The following MTUS1 variants were observed in gnomAD, a reference collection of about 807,000 sequenced individuals.
The protein encoded by MTUS1 is microtubule associated scaffold protein 1.
MTUS1 carries 109 observed loss-of-function variants against 120.8 expected under a neutral mutation model. The ratio of observed to expected loss-of-function variants is 0.90; its 90% CI spans 0.77 to 1.06. The LOEUF (loss-of-function observed/expected upper bound fraction) is 1.06, where lower values mean the gene tolerates loss of function less well. Ranked by LOEUF, MTUS1 falls within the 50% of genes least tolerant of loss-of-function variation. The pLI is 0.00. For synonymous variants in MTUS1, 737 were observed against 550.5 expected, an observed-to-expected ratio of 1.34 and a Z score of -4.74; for missense variants, 2,210 against 1,486.3, an observed-to-expected ratio of 1.49 and a Z score of -8.01.
intron 8 of MTUS1, among the ~76,000 whole-genome samples, chr8:17,670,592 G>C (rs958876928): frequency 6.6e-6 from 1 of 152,176 alleles, no homozygotes; most frequent in South Asian, 2.1e-4. Flanking sequence ...GGGAGGCCGA[G>C]ACGGGCGGAT....
intron 1 of MTUS1, among the ~76,000 whole-genome samples, chr8:17,769,643 C>T (rs111488465): frequency 0.034 from 5,121 of 151,884 alleles, 134 homozygotes; most frequent in African/African-American, 0.067. Flanking sequence ...CACCCGCGCC[C>T]GGCCCTTAGT....
intron 6 of MTUS1, among the ~76,000 whole-genome samples, chr8:17,694,343 G>A (rs1563215878): frequency 6.6e-6 from 1 of 152,192 alleles, no homozygotes; most frequent in Non-Finnish European, 1.5e-5. Context: ...CCAATTGATT[G>A]TGGATAAATC....
intron 1 of MTUS1, among the ~76,000 whole-genome samples, chr8:17,762,046 G>A (rs535537949): frequency 5.9e-5 from 9 of 152,270 alleles, no homozygotes; most frequent in South Asian, 2.1e-4. Context: ...TTGGGAAGCC[G>A]AGGTGGGCGG....
intron 1 of MTUS1, among the ~76,000 whole-genome samples, chr8:17,760,268 T>A (rs2048939919): frequency 6.6e-6 from 1 of 151,922 alleles, no homozygotes; most frequent in Admixed American, 6.6e-5. Flanking sequence ...GCAAAGAGAC[T>A]AAAAAACCCA....
intron 1 of MTUS1, among the ~76,000 whole-genome samples, chr8:17,797,495 C>G (rs2052340800): frequency 6.6e-6 from 1 of 151,990 alleles, no homozygotes; most frequent in Non-Finnish European, 1.5e-5. Context: ...CTGGACCATC[C>G]AAAACCAGGT....
chr8:17,644,862 T>G lies in MTUS1; in HGVS notation c.*1064A>C, dbSNP rs1209974079. 6.6e-6 allele frequency: 1 copy of G among 152,210 alleles called. No homozygotes were observed. Among genetic ancestry groups the G allele is most frequent in the Non-Finnish European group, 1.5e-5 (1 of 68,042 alleles). 9.4% of individuals were successfully genotyped at this position (152,210 alleles called of 1,614,324 possible). A position where few individuals can be genotyped will look rare whatever the true frequency, so the allele number is the denominator to read the frequency against. Reference sequence around the variant, plus strand: ...GGCTCTGGGGCTCTGGAAAATCATATTCCTTTATCCTTGTCCCAGAGAAAA... The same window carrying G: ...GGCTCTGGGGCTCTGGAAAATCATAGTCCTTTATCCTTGTCCCAGAGAAAA... On this transcript the variant is annotated 3_prime_UTR_variant, in exon 15 of 15. Transcript: ENST00000693296.
intron 1 of MTUS1, among the ~76,000 whole-genome samples, chr8:17,777,307 G>A (rs1214746947): frequency 1.3e-5 from 2 of 152,032 alleles, no homozygotes; most frequent in African/African-American, 2.4e-5. Flanking sequence ...AGACATGGTG[G>A]CGCACACCGG....
chr8:17,674,490 G>A (rs970578462), intron 8 of MTUS1: 1 of 985,176 alleles, frequency 1.0e-6, no homozygotes, highest in Non-Finnish European at 1.2e-6. Flanking sequence ...TCTGTTCCAT[G>A]AACCCTAAGG....
At chr8:17,780,194 CA>C (rs370084144) in intron 1 of MTUS1, among the ~76,000 whole-genome samples, 9 of 147,548 alleles carry the variant, frequency 6.1e-5, no homozygotes, top group East Asian at 2.0e-4. Flanking sequence ...AAGGGACAGC[CA>C]AAAAAAAAAG....
chr8:17,742,545 T>G (rs2047417680), intron 3 of MTUS1, among the ~76,000 whole-genome samples: 1 of 152,032 alleles, frequency 6.6e-6, no homozygotes, highest in African/African-American at 2.4e-5. Context: ...TCCAAGCTAA[T>G]GAATTCCTGT....
At chr8:17,799,090 A>G (rs2052480999) in intron 1 of MTUS1, among the ~76,000 whole-genome samples, 1 of 152,010 alleles carries the variant, frequency 6.6e-6, no homozygotes, top group Non-Finnish European at 1.5e-5. Context: ...TCTCACAGAG[A>G]GCTGGTGGGA....
intron 1 of MTUS1, among the ~76,000 whole-genome samples, chr8:17,784,881 T>C (rs1259537808): frequency 6.6e-6 from 1 of 152,018 alleles, no homozygotes; most frequent in Non-Finnish European, 1.5e-5. Context: ...GCCTCCCGGC[T>C]TCAAGTGATT....
chr8:17,726,597 C>A (rs2046244501), intron 3 of MTUS1, among the ~76,000 whole-genome samples: 1 of 152,092 alleles, frequency 6.6e-6, no homozygotes, highest in African/African-American at 2.4e-5. Flanking sequence ...AGTGCTTAAC[C>A]CATTTTTACA....
chr8:17,764,717 C>T (rs1029593497), intron 1 of MTUS1, among the ~76,000 whole-genome samples: 1 of 152,144 alleles, frequency 6.6e-6, no homozygotes, highest in African/African-American at 2.4e-5. Flanking sequence ...AATGAACAAG[C>T]GCAACTGCAT....
chr8:17,717,333 C>T (rs1405753952), intron 4 of MTUS1, among the ~76,000 whole-genome samples: 1 of 152,226 alleles, frequency 6.6e-6, no homozygotes, highest in African/African-American at 2.4e-5. Flanking sequence ...ATGGGAGTGA[C>T]AGTATTAAAG....
At chr8:17,720,700 A>G (rs980348023) in intron 4 of MTUS1, among the ~76,000 whole-genome samples, 2 of 151,958 alleles carry the variant, frequency 1.3e-5, no homozygotes, top group Admixed American at 1.3e-4. Flanking sequence ...CAAATCTTCA[A>G]CTCTGTTCAT....
At chr8:17,796,835 C>T in intron 1 of MTUS1, among the ~76,000 whole-genome samples, 1 of 152,134 alleles carries the variant, frequency 6.6e-6, no homozygotes, top group Non-Finnish European at 1.5e-5. Flanking sequence ...ACTTTTAGGC[C>T]AGACACAGCG....
chr8:17,676,558 A>G, intron 7 of MTUS1: 1 of 571,782 alleles, frequency 1.7e-6, no homozygotes, highest in Non-Finnish European at 3.1e-6. Context: ...GCAGCCTGTG[A>G]TTACTTAAAG....
At chr8:17,737,180 C>T (rs138628067) in intron 3 of MTUS1, among the ~76,000 whole-genome samples, 3 of 152,258 alleles carry the variant, frequency 2.0e-5, no homozygotes, top group Non-Finnish European at 4.4e-5. Context: ...CCAGAACACC[C>T]GGCCCATTTC....
Sources: allele counts gnomAD v4.1 joint callset (sites outside exome capture counted in the v4.1 genomes callset), GRCh38; gene constraint gnomAD v4.1.1; transcripts MANE v1.5; gene names NCBI Gene and HGNC (gene_info 2026-07-23, HGNC 2026-07-21).